Variants in CSNK1G1 observed in about 807,000 individuals in gnomAD.
CSNK1G1 encodes casein kinase 1 gamma 1, also known as casein kinase I isoform gamma-1.
In CSNK1G1, 22 loss-of-function variants were observed where a neutral mutation model predicts 59.6. That is an observed-to-expected ratio of 0.37 (90% CI 0.26 to 0.53). CSNK1G1 has a LOEUF of 0.53. CSNK1G1 is among the 20% of genes least tolerant of loss of function. The pLI is 0.89. For missense variants in CSNK1G1, 384 were observed against 519.5 expected (o/e 0.74, Z 2.54); for synonymous variants, 179 against 177.1 (o/e 1.01, Z -0.08).
intron 1 of CSNK1G1, among the ~76,000 whole-genome samples, chr15:64,327,733 G>T (rs569001462): frequency 1.4e-5 from 2 of 145,094 alleles, no homozygotes; most frequent in Non-Finnish European, 3.0e-5. Context: ...TCTGAGCTAC[G>T]GGAGGACATT....
At chr15:64,225,539 C>A (rs2082448630) in intron 4 of CSNK1G1, among the ~76,000 whole-genome samples, 1 of 152,126 alleles carries the variant, frequency 6.6e-6, no homozygotes, top group Admixed American at 6.6e-5. Flanking sequence ...CAGAATCCTG[C>A]CTCTGATTGG....
intron 1 of CSNK1G1, among the ~76,000 whole-genome samples, chr15:64,325,248 A>G (rs1896781389): frequency 6.6e-6 from 1 of 152,226 alleles, no homozygotes; most frequent in Admixed American, 6.5e-5. Context: ...TCACTGGGAT[A>G]TAGCTACAGT....
chr15:64,316,183 G>T lies in CSNK1G1; in HGVS notation c.-224-15460C>A, dbSNP rs192943042. Among the ~76,000 whole-genome samples, 7 of 148,812 alleles carry T rather than the reference G, an allele frequency of 4.7e-5. No individual in the cohort carries two copies. The East Asian group carries it at 1.2e-3, about 25-fold the overall frequency. ...CTGGGATTAAAAACATAAGCCACTG[G>T]CACTCAGTTTTGCTTTTTAAAACAA... On this transcript the variant is annotated intron_variant, in intron 1 of 11. Coordinates refer to ENST00000303052, the MANE Select transcript of CSNK1G1 (RefSeq NM_022048.5).
intron 2 of CSNK1G1, among the ~76,000 whole-genome samples, chr15:64,282,909 C>T (rs557635136): frequency 5.3e-5 from 8 of 152,276 alleles, no homozygotes; most frequent in African/African-American, 9.6e-5. Flanking sequence ...CAATGTTGAG[C>T]ATCAAGTCAT....
intron 1 of CSNK1G1, among the ~76,000 whole-genome samples, chr15:64,325,910 G>T (rs1367881205): frequency 6.6e-6 from 1 of 152,136 alleles, no homozygotes; most frequent in Non-Finnish European, 1.5e-5. Context: ...TGATTCCAGT[G>T]GTGCTACCCA....
At chr15:64,310,218 C>T (rs1895917963) in intron 1 of CSNK1G1, among the ~76,000 whole-genome samples, 2 of 151,902 alleles carry the variant, frequency 1.3e-5, no homozygotes, top group South Asian at 4.2e-4. Context: ...TTTTCCTGGC[C>T]ATGAAGAAAC....
chr15:64,238,522 T>C (rs868256733), intron 4 of CSNK1G1, among the ~76,000 whole-genome samples: 2 of 102,026 alleles, frequency 2.0e-5, no homozygotes, highest in Non-Finnish European at 3.7e-5. Context: ...AAAAAAAATA[T>C]ATATATATAT....
intron 4 of CSNK1G1, among the ~76,000 whole-genome samples, chr15:64,247,006 T>C (rs2140312640): frequency 6.6e-6 from 1 of 152,284 alleles, no homozygotes; most frequent in Non-Finnish European, 1.5e-5. Flanking sequence ...TGGTCAGCTA[T>C]GGAGTCATTC....
In CSNK1G1 at chr15:64,288,448, T is replaced by C. The variant is rs185463373; in HGVS notation, c.181+11871A>G. ...TATCTAGACGACATGGATAAAATAA[T>C]TGAACCACTTGCCTATAGGATTCAG... On this transcript the variant is annotated intron_variant, in intron 2 of 11. Transcript: ENST00000303052. Among the ~76,000 whole-genome samples the C allele has an allele frequency of 4.6e-5, 7 of 152,206 alleles. No individual in the cohort carries two copies. The East Asian group carries it at 1.3e-3, about 29-fold the overall frequency.
In CSNK1G1 at chr15:64,168,950, C is replaced by A. The variant is rs955527668; in HGVS notation, c.*2981G>T. 2.0e-5 allele frequency: 3 copies of A among 152,550 alleles called. No homozygotes were observed. The highest frequency in any genetic ancestry group is 2.0e-4 in the Admixed American group (3 of 15,280). The allele number at this position is 152,550 out of a possible 1,614,324, so 9.4% of individuals were successfully genotyped here. A position where few individuals can be genotyped will look rare whatever the true frequency, so the allele number is the denominator to read the frequency against. On this transcript the variant is annotated 3_prime_UTR_variant, in exon 12 of 12. Transcript: ENST00000303052. The stretch of plus-strand genomic sequence containing the variant: ...TGCTAAAGGGACCTGGGATTCTTTA[C>A]CCTTGTTATAAAAACCAAATATCTA...
intron 4 of CSNK1G1, among the ~76,000 whole-genome samples, chr15:64,217,976 G>T (rs2082334000): frequency 6.6e-6 from 1 of 152,064 alleles, no homozygotes; most frequent in East Asian, 1.9e-4. Flanking sequence ...TTGAGACAAG[G>T]TCTCAGTGTT....
intron 1 of CSNK1G1, among the ~76,000 whole-genome samples, chr15:64,346,854 C>G (rs1176545918): frequency 6.6e-6 from 1 of 151,996 alleles, no homozygotes. Context: ...ATGAAAGGCA[C>G]TATTAAGAGA....
chr15:64,181,704 C>T (rs1348451518), intron 10 of CSNK1G1: 2 of 334,348 alleles, frequency 6.0e-6, no homozygotes, highest in Admixed American at 4.5e-5. Flanking sequence ...CCTAAGCTTC[C>T]TAATCTCTAA....
chr15:64,263,079 C>CAAAA (rs1216890234), intron 2 of CSNK1G1, among the ~76,000 whole-genome samples: 3 of 53,572 alleles, frequency 5.6e-5, no homozygotes, highest in African/African-American at 1.0e-4. Flanking sequence ...AACGCCATCT[C>CAAAA]AAAAAAAAAA....
At chr15:64,205,004 T>G (rs2140250164) in intron 7 of CSNK1G1, 55 bp from the exon 8 acceptor site, 2 of 1,010,366 alleles carry the variant, frequency 2.0e-6, no homozygotes, top group East Asian at 2.5e-5. Context: ...ACATGGGAGA[T>G]TCAATATGTT....
intron 2 of CSNK1G1, among the ~76,000 whole-genome samples, chr15:64,282,804 T>C (rs1894212786): frequency 6.6e-6 from 1 of 152,282 alleles, no homozygotes; most frequent in African/African-American, 2.4e-5. Context: ...ATTTCTACAC[T>C]TCCCCCCTAG....
chr15:64,262,320 G>A (rs892594553), intron 2 of CSNK1G1, among the ~76,000 whole-genome samples: 1 of 152,240 alleles, frequency 6.6e-6, no homozygotes, highest in African/African-American at 2.4e-5. Context: ...TGAGTCAGTA[G>A]AAGAGCTTGG....
chr15:64,220,668 T>C (rs537800850), intron 4 of CSNK1G1, among the ~76,000 whole-genome samples: 2 of 152,222 alleles, frequency 1.3e-5, no homozygotes, highest in South Asian at 4.1e-4. Context: ...TTAGTTTTAC[T>C]CTTGCCTCAG....
intron 1 of CSNK1G1, among the ~76,000 whole-genome samples, chr15:64,325,557 G>A (rs571149091): frequency 6.6e-6 from 1 of 152,118 alleles, no homozygotes; most frequent in African/African-American, 2.4e-5. Flanking sequence ...TACTCAAATA[G>A]CAGAGAAGTA....
Sources: allele counts gnomAD v4.1 joint callset (sites outside exome capture counted in the v4.1 genomes callset), GRCh38; gene constraint gnomAD v4.1.1; transcripts MANE v1.5; gene names NCBI Gene and HGNC (gene_info 2026-07-23, HGNC 2026-07-21).